RANBP17: variants seen among roughly 807,000 people sequenced by gnomAD.
RANBP17 encodes the protein RAN binding protein 17.
In RANBP17, 158 loss-of-function variants were observed where a neutral mutation model predicts 141.2. The observed-to-expected ratio is 1.12, with a 90% CI of 0.98 to 1.28. The LOEUF is 1.28. Among genes scored for constraint, RANBP17 ranks in the 50% most tolerant of loss-of-function variants. The pLI, the probability that RANBP17 is intolerant of heterozygous loss-of-function variation, is 0.00. For missense variants in RANBP17, 1,438 were observed against 1,290.7 expected (o/e 1.11, Z -1.75); for synonymous variants, 430 against 450.0 (o/e 0.96, Z 0.56).
At chr5:171,178,808 A>G (rs1760692737) in intron 16 of RANBP17, among the ~76,000 whole-genome samples, 1 of 152,212 alleles carries the variant, frequency 6.6e-6, no homozygotes, top group East Asian at 1.9e-4. Context: ...TGTTGGCCAC[A>G]TAAATGTCTT....
At chr5:171,149,943 C>T (rs1279535777) in intron 14 of RANBP17, among the ~76,000 whole-genome samples, 2 of 152,110 alleles carry the variant, frequency 1.3e-5, no homozygotes, top group Admixed American at 6.6e-5. Context: ...TAATGTATCA[C>T]GTAAGTACTA....
intron 5 of RANBP17, among the ~76,000 whole-genome samples, chr5:170,902,454 A>G (rs1009880729): frequency 1.3e-5 from 2 of 152,088 alleles, no homozygotes; most frequent in African/African-American, 4.8e-5. Flanking sequence ...GCTTCCTTGC[A>G]TTGGGTTAGA....
intron 24 of RANBP17, among the ~76,000 whole-genome samples, chr5:171,247,796 A>G (rs1352606916): frequency 6.6e-6 from 1 of 152,198 alleles, no homozygotes; most frequent in East Asian, 1.9e-4. Context: ...TACTGAAGGG[A>G]ACAAGACAGA....
At chr5:171,149,546 A>G (rs1317631752) in intron 14 of RANBP17, among the ~76,000 whole-genome samples, 3 of 152,218 alleles carry the variant, frequency 2.0e-5, no homozygotes, top group African/African-American at 4.8e-5. Flanking sequence ...GCATAGTTTC[A>G]TTACACATCT....
At chr5:171,231,073 A>G (rs1472674261) in intron 22 of RANBP17, among the ~76,000 whole-genome samples, 1 of 149,038 alleles carries the variant, frequency 6.7e-6, no homozygotes, top group African/African-American at 2.5e-5. Context: ...AGTAGCTGGG[A>G]CTACAGGCAC....
rs760713359 is a variant in RANBP17 at position 170,968,359 on chromosome 5, A to G, written c.1692A>G (p.Gln564=). The change falls in exon 14 of 28, where the codon CAA becomes CAG. Residue 564 remains glutamine (Q), a synonymous_variant. Coordinates refer to ENST00000523189, the MANE Select transcript of RANBP17 (RefSeq NM_022897.5). ...TTCGTAAAACATATGTTGGTGATCA[A>G]CTTCAAAGAACCTCAAAGGTAGGTT... The part of the protein sequence containing the change: ...DQFRKTYVGD[Q]LQRTSKVYAR... 6.2e-7 allele frequency: 1 copy of G among 1,604,112 alleles called. No individual in the cohort carries two copies. The highest frequency in any genetic ancestry group is 8.5e-7 in the Non-Finnish European group (1 of 1,176,564).
intron 3 of RANBP17, among the ~76,000 whole-genome samples, chr5:170,887,880 A>C (rs1328125178): frequency 2.0e-5 from 3 of 152,136 alleles, no homozygotes; most frequent in Admixed American, 6.6e-5. Context: ...GTCCTTTTTA[A>C]AGGACCTACT....
At chr5:171,089,692 G>T (rs546796168) in intron 14 of RANBP17, among the ~76,000 whole-genome samples, 1 of 152,194 alleles carries the variant, frequency 6.6e-6, no homozygotes, top group African/African-American at 2.4e-5. Flanking sequence ...TCTGAAAAGC[G>T]CAATATTCGG....
chr5:171,203,893 C>T (rs1762435194), intron 19 of RANBP17, among the ~76,000 whole-genome samples: 1 of 152,046 alleles, frequency 6.6e-6, no homozygotes, highest in South Asian at 2.1e-4. Flanking sequence ...AAAAAGCCTA[C>T]TTTAATAGAA....
chr5:170,971,033 G>A (rs1227752310), intron 14 of RANBP17, among the ~76,000 whole-genome samples: 1 of 152,162 alleles, frequency 6.6e-6, no homozygotes, highest in Non-Finnish European at 1.5e-5. Context: ...TAGATCTCAT[G>A]TATAATACTT....
At chr5:171,182,331 T>C (rs1444097873) in intron 16 of RANBP17, among the ~76,000 whole-genome samples, 1 of 152,194 alleles carries the variant, frequency 6.6e-6, no homozygotes, top group African/African-American at 2.4e-5. Flanking sequence ...AGAATCCACA[T>C]CATACCTGAA....
chr5:171,113,479 T>TTTAA (rs1554100134), intron 14 of RANBP17, among the ~76,000 whole-genome samples: 1 of 152,146 alleles, frequency 6.6e-6, no homozygotes, highest in Non-Finnish European at 1.5e-5. Context: ...TAATAGATAT[T>TTTAA]TTAATCTTAG....
chr5:171,138,976 C>G (rs1166737549), intron 14 of RANBP17, among the ~76,000 whole-genome samples: 1 of 152,078 alleles, frequency 6.6e-6, no homozygotes, highest in East Asian at 1.9e-4. Flanking sequence ...ACTTGAGAGA[C>G]TGAAACAGGA....
chr5:171,153,345 T>C (rs1482705488), intron 14 of RANBP17, among the ~76,000 whole-genome samples: 2 of 152,244 alleles, frequency 1.3e-5, no homozygotes, highest in African/African-American at 4.8e-5. Flanking sequence ...AAGAATGTTA[T>C]TTTTGGCTAG....
intron 14 of RANBP17, among the ~76,000 whole-genome samples, chr5:171,004,976 G>A (rs1019643829): frequency 6.6e-6 from 1 of 152,164 alleles, no homozygotes; most frequent in Non-Finnish European, 1.5e-5. Flanking sequence ...CTGTAACTCA[G>A]AAATACGTTG....
chr5:170,999,492 TTAAACTATAAAC>T (rs1287410151), intron 14 of RANBP17, among the ~76,000 whole-genome samples: 1 of 152,144 alleles, frequency 6.6e-6, no homozygotes, highest in Non-Finnish European at 1.5e-5. Flanking sequence ...TATAATGCTA[TTAAACTATAAAC>T]AATATTTGTA....
Position 171,265,751 on chromosome 5 carries a change from A to T in RANBP17, c.2847A>T (p.Ala949=), listed in dbSNP as rs1454799486. ...TCACCTACCTCTTCAAGCACATAGCAAAAGAGGGCAAGAAGCCACTTCGAT... is the reference window on the plus strand; with the variant it reads ...TCACCTACCTCTTCAAGCACATAGCTAAAGAGGGCAAGAAGCCACTTCGAT... ...YIVTYLFKHI[A]KEGKKPLRCR... is the part of the protein sequence containing the mutation. Residue 949 remains alanine, a synonymous_variant, in exon 25 of 28, where the codon GCA becomes GCT. Transcript: ENST00000523189. 1 of 1,613,972 alleles carries T rather than the reference A, an allele frequency of 6.2e-7. No individual in the cohort carries two copies. Among genetic ancestry groups the T allele is most frequent in the African/African-American group, 1.3e-5 (1 of 74,910 alleles).
intron 1 of RANBP17, chr5:170,863,700 T>C (rs1490739775): frequency 2.6e-5 from 4 of 152,212 alleles, no homozygotes; most frequent in African/African-American, 7.2e-5. Context: ...GGTGGAACTT[T>C]GGAATTTTTT....
At chr5:170,944,410 G>A (rs1177242177) in intron 12 of RANBP17, among the ~76,000 whole-genome samples, 1 of 152,134 alleles carries the variant, frequency 6.6e-6, no homozygotes, top group Non-Finnish European at 1.5e-5. Flanking sequence ...GAGATTACAG[G>A]CGCATGCCAC....
Sources: allele counts gnomAD v4.1 joint callset (sites outside exome capture counted in the v4.1 genomes callset), GRCh38; gene constraint gnomAD v4.1.1; transcripts MANE v1.5; gene names NCBI Gene and HGNC (gene_info 2026-07-23, HGNC 2026-07-21).